The following IL17B variants were observed in gnomAD, a reference collection of about 807,000 sequenced individuals.
The protein encoded by IL17B is interleukin 17B.
A neutral mutation model predicts 14.7 loss-of-function variants in IL17B; 14 were observed. The observed-to-expected ratio is 0.95, with a 90% CI of 0.63 to 1.49. The LOEUF (loss-of-function observed/expected upper bound fraction) is 1.49. Ranked by LOEUF, IL17B falls within the 40% of genes most tolerant of loss-of-function variation. The pLI is 0.00. For synonymous variants in IL17B, 105 were observed against 94.8 expected, an observed-to-expected ratio of 1.11 and a Z score of -0.62; for missense variants, 233 against 252.8, an observed-to-expected ratio of 0.92 and a Z score of 0.53.
chr5:149,382,846 G>C (rs1758732764), upstream of IL17B, among the ~76,000 whole-genome samples: 1 of 152,204 alleles, frequency 6.6e-6, no homozygotes. Flanking sequence ...GAGCTCCCAG[G>C]GTGCTCGTGG....
chr5:149,386,299 T>C (rs577867297), intron 1 of IL17B, among the ~76,000 whole-genome samples: 2 of 152,262 alleles, frequency 1.3e-5, no homozygotes, highest in South Asian at 4.1e-4. Context: ...GGGGCTGGCT[T>C]GCGATTAGGG....
chr5:149,374,745 A>C lies in IL17B; in HGVS notation c.312-145T>G. 3.3e-6 allele frequency: 2 copies of C among 614,976 alleles called. No individual in the cohort carries two copies. Among genetic ancestry groups the C allele is most frequent in the Non-Finnish European group, 5.6e-6 (2 of 359,652 alleles). 38.1% of individuals were successfully genotyped at this position (614,976 alleles called of 1,614,324 possible). A position where few individuals can be genotyped will look rare whatever the true frequency, so the allele number is the denominator to read the frequency against. ...TGGGCTGGAGGAAAGGCAGTAATCA[A>C]CTCCATGTTCCACGTGAGGAAACTG... On this transcript the variant is annotated intron_variant, in intron 2 of 2. Coordinates refer to ENST00000261796, the MANE Select transcript of IL17B (RefSeq NM_014443.3). The surrounding 1 kb of genome is among the most constrained non-coding windows in gnomAD (Gnocchi z 5.0).
At chr5:149,392,990 G>A (rs1213076517) in intron 1 of IL17B, among the ~76,000 whole-genome samples, 3 of 149,498 alleles carry the variant, frequency 2.0e-5, no homozygotes, top group Admixed American at 6.7e-5. Context: ...GTGTGTGTGC[G>A]TGTGTGTGCT....
intron 1 of IL17B, among the ~76,000 whole-genome samples, chr5:149,393,543 T>C (rs1730688734): frequency 6.6e-6 from 1 of 152,240 alleles, no homozygotes; most frequent in Non-Finnish European, 1.5e-5. Context: ...TCCTGCATCT[T>C]CCGAAACCCT....
At chr5:149,385,270 G>T (rs1263113976) in intron 1 of IL17B, among the ~76,000 whole-genome samples, 2 of 151,926 alleles carry the variant, frequency 1.3e-5, no homozygotes, top group East Asian at 4.0e-4. Context: ...CAGGAGAATC[G>T]CTTGAACCTG....
chr5:149,390,342 G>A (rs777305980), intron 1 of IL17B, among the ~76,000 whole-genome samples: 20 of 151,722 alleles, frequency 1.3e-4, no homozygotes, highest in Non-Finnish European at 2.9e-4. Context: ...GGACAGAATG[G>A]GATCATTATG....
chr5:149,390,756 T>TA lies in IL17B; in HGVS notation n.95+13351dup, dbSNP rs369347905. ...GGAAGACTATCAGGTCTTCTATTTT[T>TA]ACCTCTGTCTTTTCTCATTTCTATT... On this transcript the variant is annotated intron_variant and non_coding_transcript_variant, in intron 1 of 2. Coordinates refer to the IL17B transcript ENST00000505432. Among the ~76,000 whole-genome samples the TA allele has an allele frequency of 1.9e-3, 284 of 152,238 alleles. 2 individuals are homozygous for TA. Among genetic ancestry groups the TA allele is most frequent in the African/African-American group, 6.6e-3 (275 of 41,540 alleles).
At chr5:149,403,069 T>A (rs537361529) in intron 1 of IL17B, among the ~76,000 whole-genome samples, 10 of 35,724 alleles carry the variant, frequency 2.8e-4, no homozygotes, top group African/African-American at 1.4e-3. Context: ...TTTTGTTCTG[T>A]TTTGTTTTGT....
intron 1 of IL17B, 67 bp downstream of exon 1, chr5:149,379,138 G>A: frequency 6.3e-7 from 1 of 1,590,924 alleles, no homozygotes; most frequent in Middle Eastern, 1.7e-4. Flanking sequence ...TAATAAATAG[G>A]AAAGAAAAAC....
At chr5:149,400,002 C>A (rs182622703) in intron 1 of IL17B, among the ~76,000 whole-genome samples, 1 of 152,290 alleles carries the variant, frequency 6.6e-6, no homozygotes, top group East Asian at 1.9e-4. Context: ...TACTGGCAAG[C>A]ACCCCTATAT....
At chr5:149,379,551 C>G (rs1009678231), upstream of IL17B, among the ~76,000 whole-genome samples, 15 of 152,202 alleles carry the variant, frequency 9.9e-5, no homozygotes, top group African/African-American at 3.6e-4. Flanking sequence ...GGCCGGCCGC[C>G]CAGCCAGCAC....
In IL17B at chr5:149,374,527, G is replaced by T; in HGVS notation, c.385C>A (p.Pro129Thr). The T allele has an allele frequency of 6.2e-7, 1 of 1,613,326 alleles. No homozygotes were observed. The highest frequency in any genetic ancestry group is 1.1e-5 in the South Asian group (1 of 91,086). Reference protein sequence around the residue: ...ARCLCLGCVNPFTMQEDRSMV... With the variant: ...ARCLCLGCVNTFTMQEDRSMV... The stretch of plus-strand genomic sequence containing the variant: ...CTGCGGTCCTCCTGCATGGTGAAGG[G>T]GTTCACACAGCCCAGACACAGGCAC... The change falls in exon 3 of 3, where the codon CCC becomes ACC. Residue 129 changes from proline (P) to threonine (T), a missense_variant. Pro to Thr is a conservative substitution (Grantham distance 38). Coordinates refer to ENST00000261796, the MANE Select transcript of IL17B (RefSeq NM_014443.3). The surrounding 1 kb of genome is among the most constrained non-coding windows in gnomAD (Gnocchi z 5.0).
In IL17B at chr5:149,374,743, C is replaced by T. The variant is rs184939757; in HGVS notation, c.312-143G>A. On this transcript the variant is annotated intron_variant, in intron 2 of 2. Transcript: ENST00000261796. The surrounding 1 kb of genome is among the most constrained non-coding windows in gnomAD (Gnocchi z 5.0). ...GTTGGGCTGGAGGAAAGGCAGTAAT[C>T]AACTCCATGTTCCACGTGAGGAAAC... is the stretch of plus-strand genomic sequence containing the variant. The T allele has an allele frequency of 7.9e-6, 5 of 631,264 alleles. No individual in the cohort carries two copies. The highest frequency in any genetic ancestry group is 7.3e-5 in the African/African-American group (4 of 54,792). The allele number at this position is 631,264 out of a possible 1,614,324, so 39.1% of individuals were successfully genotyped here.
At chr5:149,377,292 G>T (rs1339827494) in intron 1 of IL17B, among the ~76,000 whole-genome samples, 1 of 152,150 alleles carries the variant, frequency 6.6e-6, no homozygotes, top group Non-Finnish European at 1.5e-5. Context: ...GCAGCATTCT[G>T]CCTCTTCACC....
Position 149,387,100 on chromosome 5 carries a change from T to C in IL17B, n.96-10075A>G, listed in dbSNP as rs73277566. Among the ~76,000 whole-genome samples the C allele has an allele frequency of 2.9e-3, 440 of 152,298 alleles. 2 individuals carry two copies. Among genetic ancestry groups the C allele is most frequent in the African/African-American group, 0.01 (421 of 41,558 alleles). ...AGCTCAGGGGCTCTTGCTGGGCCCC[T>C]CTCCTCTCAGTCCTGTGCACCTCCT... On this transcript the variant is annotated intron_variant and non_coding_transcript_variant, in intron 1 of 2. Coordinates refer to the IL17B transcript ENST00000505432.
chr5:149,376,218 A>G (rs1370100738), intron 2 of IL17B, among the ~76,000 whole-genome samples: 10 of 152,212 alleles, frequency 6.6e-5, no homozygotes, highest in Non-Finnish European at 1.5e-4. Context: ...CCCAAATCGC[A>G]GCCTGCTGTG....
intron 1 of IL17B, among the ~76,000 whole-genome samples, chr5:149,402,986 C>T (rs1363014572): frequency 9.0e-6 from 1 of 111,218 alleles, no homozygotes; most frequent in Non-Finnish European, 1.7e-5. Context: ...CTGGGTTACA[C>T]AGTGAGACTC....
chr5:149,400,463 G>A (rs1315484181), intron 1 of IL17B, among the ~76,000 whole-genome samples: 1 of 152,226 alleles, frequency 6.6e-6, no homozygotes, highest in Non-Finnish European at 1.5e-5. Context: ...TCTGGATGGA[G>A]TGTTTGGTTA....
chr5:149,386,342 G>C (rs1332551085), intron 1 of IL17B, among the ~76,000 whole-genome samples: 1 of 152,130 alleles, frequency 6.6e-6, no homozygotes, highest in Non-Finnish European at 1.5e-5. Context: ...TGAGAGCTGT[G>C]CACAACACAA....
Sources: gnomAD v4.1 joint callset for allele counts (sites outside exome capture counted in the v4.1 genomes callset) on GRCh38, gnomAD v4.1.1 for gene constraint, Gnocchi (gnomAD v3.1) non-coding constraint, MANE v1.5 for transcripts, NCBI Gene and HGNC (gene_info 2026-07-23, HGNC 2026-07-21) for gene names.